Variants in PIEZO2 observed in about 807,000 individuals in gnomAD.
PIEZO2 encodes the protein piezo type mechanosensitive ion channel component 2.
A neutral mutation model predicts 337.3 loss-of-function variants in PIEZO2; 172 were observed. The observed-to-expected ratio is 0.51, with a 90% CI of 0.45 to 0.58. The LOEUF (loss-of-function observed/expected upper bound fraction) is 0.58. PIEZO2 is among the 20% of genes least tolerant of loss of function. PIEZO2 has a pLI of 0.00. For synonymous variants in PIEZO2, 1,251 were observed against 1,228.5 expected, an observed-to-expected ratio of 1.02 and a Z score of -0.38; for missense variants, 3,028 against 3,391.3, an observed-to-expected ratio of 0.89 and a Z score of 2.66.
chr18:11,038,575 G>T lies in PIEZO2; in HGVS notation c.160+27552C>A, dbSNP rs2037004628. 6.6e-6 allele frequency among the ~76,000 whole-genome samples: 1 copy of T among 152,136 alleles called. No homozygotes were observed. The highest frequency in any genetic ancestry group is 1.5e-5 in the Non-Finnish European group (1 of 68,024). ...CTGGATGAAGACTGAATGTATCTAT[G>T]ACCTGTGAACACCCCACAGTGCAGC... On this transcript the variant is annotated intron_variant, in intron 2 of 55. Transcript: ENST00000674853. This position sits in a 1 kb window ranked among gnomAD's most constrained non-coding sequence, Gnocchi z 4.1.
chr18:10,802,044 C>A (rs1376163308), intron 9 of PIEZO2, among the ~76,000 whole-genome samples: 1 of 147,120 alleles, frequency 6.8e-6, no homozygotes, highest in Non-Finnish European at 1.5e-5. Flanking sequence ...CGAGATCCCG[C>A]CACTGCACTC....
chr18:10,696,356 G>A (rs768966326), intron 46 of PIEZO2, 36 bp downstream of exon 46: 2 of 1,613,962 alleles, frequency 1.2e-6, no homozygotes, highest in African/African-American at 1.3e-5. Context: ...ATCGCCATGG[G>A]TCAGGGCGGG....
In PIEZO2 at chr18:10,807,134, C is replaced by G. The variant is rs750182837; in HGVS notation, c.1058G>C (p.Arg353Pro). Residue 353 changes from arginine (R) to proline (P), a missense_variant, in exon 8 of 56, where the codon CGC (arginine) becomes CCC (proline). This residue lies in a region of PIEZO2 where 542 missense variants were observed against 605.6 expected (regional missense o/e 0.89). Coordinates refer to ENST00000674853, the MANE Select transcript of PIEZO2 (RefSeq NM_001378183.1). ...VMYYTLATLI[R>P]IWLQEPLVQD... ...TACAAGGGGCTCTTGCAGCCAGATG[C>G]GGATCAGAGTGGCCAGAGTGTAGTA... is the stretch of plus-strand genomic sequence containing the variant. The G allele has an allele frequency of 1.3e-6, 2 of 1,536,326 alleles. No individual in the cohort carries two copies. Among genetic ancestry groups the G allele is most frequent in the Non-Finnish European group, 1.7e-6 (2 of 1,146,500 alleles).
At chr18:10,928,626 A>G (rs532252843) in intron 3 of PIEZO2, among the ~76,000 whole-genome samples, 1 of 152,368 alleles carries the variant, frequency 6.6e-6, no homozygotes, top group Non-Finnish European at 1.5e-5. Context: ...TTAGCCATTC[A>G]GATCCCAGGC....
At chr18:10,896,513 GA>G (rs1385216938) in intron 4 of PIEZO2, among the ~76,000 whole-genome samples, 1 of 152,200 alleles carries the variant, frequency 6.6e-6, no homozygotes, top group African/African-American at 2.4e-5. Flanking sequence ...AGAGTGCAGA[GA>G]AGTTTTCAAA....
chr18:10,931,713 T>TGA (rs10603024), intron 3 of PIEZO2, among the ~76,000 whole-genome samples: 3,855 of 147,800 alleles, frequency 0.026, 63 homozygotes, highest in Non-Finnish European at 0.042. Context: ...TGTGTGTGTG[T>TGA]GAGAGAGAGA....
At position 11,048,462 on chromosome 18, in the gene PIEZO2, T is replaced by C. The variant is rs901745705; in HGVS notation, c.160+17665A>G. Among the ~76,000 whole-genome samples the C allele has an allele frequency of 6.6e-6, 1 of 152,194 alleles. No homozygotes were observed. The highest frequency in any genetic ancestry group is 6.5e-5 in the Admixed American group (1 of 15,276). Reference sequence around the variant, plus strand: ...GTGTTTATTTGACTTCCCTGCTTAATGCTGAGGAAATACTAAAAGGCAGCT... The same window carrying C: ...GTGTTTATTTGACTTCCCTGCTTAACGCTGAGGAAATACTAAAAGGCAGCT... On this transcript the variant is annotated intron_variant, in intron 2 of 55. Transcript: ENST00000674853. The surrounding 1 kb of genome is among the most constrained non-coding windows in gnomAD (Gnocchi z 4.5).
intron 2 of PIEZO2, among the ~76,000 whole-genome samples, chr18:11,041,582 T>C (rs531152884): frequency 6.6e-6 from 1 of 152,366 alleles, no homozygotes; most frequent in East Asian, 1.9e-4. Context: ...TTACTCATTG[T>C]TTATTTTACC....
At chr18:10,751,033 G>C (rs1473987111) in intron 28 of PIEZO2, among the ~76,000 whole-genome samples, 1 of 152,066 alleles carries the variant, frequency 6.6e-6, no homozygotes. Context: ...CGTTCAAATG[G>C]CATCACCTCC....
In PIEZO2 at chr18:10,789,415, C is replaced by A. The variant is rs1334856146; in HGVS notation, c.1883-50G>T. 53 of 1,492,982 alleles carry A rather than the reference C, an allele frequency of 3.5e-5. No homozygotes were observed. The East Asian group carries it at 1.3e-3, about 37-fold the overall frequency. The allele number at this position is 1,492,982 out of a possible 1,614,324, so 92.5% of individuals were successfully genotyped here. ...ATACTTAGCTGGTTATCTGTGCAGA[C>A]CACACTTTGACCATGTGATAGGTAT... On this transcript the variant is annotated intron_variant, in intron 14 of 55. Transcript: ENST00000674853.
chr18:10,897,481 A>G (rs2042932959), intron 4 of PIEZO2, among the ~76,000 whole-genome samples: 1 of 151,908 alleles, frequency 6.6e-6, no homozygotes, highest in Non-Finnish European at 1.5e-5. Context: ...GAGCCACCAC[A>G]CCCGGCCCAG....
In PIEZO2 at chr18:10,837,962, G is replaced by A. The variant is rs151317935; in HGVS notation, c.917+17391C>T. Among the ~76,000 whole-genome samples the A allele has an allele frequency of 6.6e-6, 1 of 152,180 alleles. No individual in the cohort carries two copies. The highest frequency in any genetic ancestry group is 1.9e-4 in the East Asian group (1 of 5,164). On this transcript the variant is annotated intron_variant, in intron 7 of 55. Transcript: ENST00000674853. The surrounding 1 kb of genome is among the most constrained non-coding windows in gnomAD (Gnocchi z 4.4). The stretch of plus-strand genomic sequence containing the variant: ...AGACGGGGTTTCGTCATGTTGGCCA[G>A]GCTGGTCTCGAACTCCTGATCGCAG...
rs1568065166 is a variant in PIEZO2 at position 10,794,522 on chromosome 18, C to T, written c.1758+250G>A. On this transcript the variant is annotated intron_variant, in intron 13 of 55. Transcript: ENST00000674853. This position sits in a 1 kb window ranked among gnomAD's most constrained non-coding sequence, Gnocchi z 6.6. ...GGATTTATACTTAAAAACATTTATA[C>T]AAGTTTTCTTTGAGTGGAAAACATT... is the stretch of plus-strand genomic sequence containing the variant. 6.6e-6 allele frequency among the ~76,000 whole-genome samples: 1 copy of T among 152,168 alleles called. No individual in the cohort carries two copies. Among genetic ancestry groups the T allele is most frequent in the Non-Finnish European group, 1.5e-5 (1 of 68,038 alleles).
At chr18:11,013,078 C>T (rs1030895632) in intron 2 of PIEZO2, among the ~76,000 whole-genome samples, 3 of 152,140 alleles carry the variant, frequency 2.0e-5, no homozygotes, top group Non-Finnish European at 4.4e-5. Flanking sequence ...ATTTTCACAT[C>T]AAATATTTTA....
chr18:10,986,707 A>C (rs2034886996), intron 2 of PIEZO2, among the ~76,000 whole-genome samples: 1 of 152,010 alleles, frequency 6.6e-6, no homozygotes, highest in African/African-American at 2.4e-5. Context: ...TAGTATGGGA[A>C]GTACTAACCG....
At chr18:11,061,507 G>A (rs916538606) in intron 2 of PIEZO2, among the ~76,000 whole-genome samples, 7 of 152,042 alleles carry the variant, frequency 4.6e-5, no homozygotes, top group Admixed American at 1.3e-4. Context: ...CTAGAAAACC[G>A]AATCGTCTCA....
rs9951176 is a variant in PIEZO2, at chr18:10,704,842, A to G, written c.6000-190T>C. On this transcript the variant is annotated intron_variant, in intron 41 of 55. Coordinates refer to ENST00000674853, the MANE Select transcript of PIEZO2 (RefSeq NM_001378183.1). ...TGGGATTACAGGTGCCTGCCACCAC[A>G]CCCAGCTAATTTTTTTGTGTGTATT... 0.035 allele frequency among the ~76,000 whole-genome samples: 5,362 copies of G among 151,870 alleles called. 318 individuals are homozygous for G. Among genetic ancestry groups the G allele is most frequent in the African/African-American group, 0.12 (5,064 of 41,412 alleles).
Position 11,009,757 on chromosome 18 carries a change from A to G in PIEZO2, c.161-30097T>C, listed in dbSNP as rs1352177264. 6.6e-6 allele frequency among the ~76,000 whole-genome samples: 1 copy of G among 152,090 alleles called. No individual in the cohort carries two copies. Among genetic ancestry groups the G allele is most frequent in the East Asian group, 1.9e-4 (1 of 5,180 alleles). On this transcript the variant is annotated intron_variant, in intron 2 of 55. Transcript: ENST00000674853. The surrounding 1 kb of genome is among the most constrained non-coding windows in gnomAD (Gnocchi z 4.6). The stretch of plus-strand genomic sequence containing the variant: ...GATAGGGCCTTTAAAGAGGTAATTC[A>G]GGTAGCACGAGGTCATAGAGGTGGG...
intron 3 of PIEZO2, among the ~76,000 whole-genome samples, chr18:10,936,126 A>C (rs1447770646): frequency 6.6e-6 from 1 of 152,192 alleles, no homozygotes; most frequent in South Asian, 2.1e-4. Context: ...GATCACTATT[A>C]GGGCTGTGAG....
Sources: gnomAD v4.1 joint callset for allele counts (sites outside exome capture counted in the v4.1 genomes callset) on GRCh38, gnomAD v4.1.1 for gene constraint, gnomAD v4.1.1 regional missense constraint, Gnocchi (gnomAD v3.1) non-coding constraint, MANE v1.5 for transcripts, NCBI Gene and HGNC (gene_info 2026-07-23, HGNC 2026-07-21) for gene names.